The following SLC17A8 variants were observed in gnomAD, a reference collection of about 807,000 sequenced individuals.
SLC17A8 encodes the protein vesicular glutamate transporter 3.
SLC17A8 carries 31 observed loss-of-function variants against 58.0 expected under a neutral mutation model. The ratio of observed to expected loss-of-function variants is 0.53; its 90% CI spans 0.40 to 0.72. The LOEUF (loss-of-function observed/expected upper bound fraction) is 0.72, where lower values mean the gene tolerates loss of function less well. SLC17A8 is among the 30% of genes least tolerant of loss of function. The pLI, the probability that SLC17A8 is intolerant of heterozygous loss-of-function variation, is 0.00. For synonymous variants in SLC17A8, 228 were observed against 249.0 expected (o/e 0.92, Z 0.79); for missense variants, 655 against 727.8 (o/e 0.90, Z 1.15).
rs1566400619 is a variant in SLC17A8 at position 100,402,474 on chromosome 12, C to T, written c.898C>T (p.Leu300=). 1.9e-6 allele frequency: 3 copies of T among 1,613,818 alleles called. No homozygotes were observed. The highest frequency in any genetic ancestry group is 1.7e-5 in the Admixed American group (1 of 60,000). ...SIGEGANVVS[L]SKFSTPWKRF... ...AGGAGAGGGGGCCAACGTGGTTAGT[C>T]TAAGTGTAAGTATAAAAAGTCAGAT... The change falls in exon 7 of 12, where the codon CTA becomes TTA. Residue 300 remains leucine, a synonymous_variant. Coordinates refer to ENST00000323346, the MANE Select transcript of SLC17A8 (RefSeq NM_139319.3).
chr12:100,373,123 A>G lies in SLC17A8; in HGVS notation c.102-7578A>G, dbSNP rs566678117. ...GAGAGCAGGCACCTCCCTAGTGTGCAGAGGGCCAGCAGTCTGCAGACCGCG... is the reference window on the plus strand; with the variant it reads ...GAGAGCAGGCACCTCCCTAGTGTGCGGAGGGCCAGCAGTCTGCAGACCGCG... On this transcript the variant is annotated intron_variant, in intron 1 of 11. Coordinates refer to ENST00000323346, the MANE Select transcript of SLC17A8 (RefSeq NM_139319.3). 3.9e-5 allele frequency among the ~76,000 whole-genome samples: 6 copies of G among 152,308 alleles called. No homozygotes were observed. In the South Asian group the frequency reaches 1.2e-3, roughly 32 times the overall value.
intron 1 of SLC17A8, among the ~76,000 whole-genome samples, chr12:100,380,151 A>G (rs1952623590): frequency 6.8e-6 from 1 of 146,784 alleles, no homozygotes; most frequent in Non-Finnish European, 1.5e-5. Context: ...GGGAGCCGAG[A>G]TCGTGCCATT....
At chr12:100,396,298 A>G in intron 4 of SLC17A8, 32 bp from the exon 5 acceptor site, 2 of 1,557,044 alleles carry the variant, frequency 1.3e-6, no homozygotes, top group Non-Finnish European at 1.8e-6. Context: ...CTACAGTCAA[A>G]TCAACTAATC....
At chr12:100,387,154 T>C (rs1054363281) in intron 2 of SLC17A8, among the ~76,000 whole-genome samples, 7 of 152,220 alleles carry the variant, frequency 4.6e-5, no homozygotes, top group African/African-American at 1.7e-4. Flanking sequence ...ATACATTCGT[T>C]CTGTTTTTAA....
At chr12:100,393,635 T>C (rs1952732498) in intron 4 of SLC17A8, 152 bp downstream of exon 4, 1 of 630,374 alleles carries the variant, frequency 1.6e-6, no homozygotes, top group Non-Finnish European at 2.9e-6. Context: ...ATGGCTAAAA[T>C]TGCAAGAATT....
At position 100,412,813 on chromosome 12, in the gene SLC17A8, G is replaced by C. The variant is rs1489915828; in HGVS notation, c.1230G>C (p.Ser410=). Residue 410 remains serine (S), a synonymous_variant, in exon 10 of 12, where the codon TCG becomes TCC. Transcript: ENST00000323346. ...EATLLLVVGF[S]HTKGVAISFL... ...CCTTACTCCTGGTGGTTGGCTTTTC[G>C]CATACCAAAGGGGTGGCTATCTCCT... is the stretch of plus-strand genomic sequence containing the variant. The C allele has an allele frequency of 1.2e-6, 2 of 1,614,020 alleles. No individual in the cohort carries two copies. The highest frequency in any genetic ancestry group is 1.7e-6 in the Non-Finnish European group (2 of 1,179,984).
At chr12:100,361,643 A>G (rs1470012812) in intron 1 of SLC17A8, among the ~76,000 whole-genome samples, 2 of 152,182 alleles carry the variant, frequency 1.3e-5, no homozygotes, top group Non-Finnish European at 2.9e-5. Context: ...TCTTCCTGAA[A>G]AAACTGGGAG....
At chr12:100,398,991 G>A (rs377262953) in intron 5 of SLC17A8, among the ~76,000 whole-genome samples, 6 of 152,318 alleles carry the variant, frequency 3.9e-5, no homozygotes, top group African/African-American at 1.2e-4. Context: ...GGAACTGTGA[G>A]TCCAATTAAA....
At chr12:100,360,939 A>G (rs1406932880) in intron 1 of SLC17A8, among the ~76,000 whole-genome samples, 1 of 152,194 alleles carries the variant, frequency 6.6e-6, no homozygotes, top group Admixed American at 6.5e-5. Flanking sequence ...TCTCCTTACA[A>G]GTATGTCTAT....
Position 100,421,658 on chromosome 12 carries a change from G to GTTTTT in SLC17A8, c.*1517_*1521dup, listed in dbSNP as rs59689031. The GTTTTT allele has an allele frequency of 6.4e-4, 70 of 109,830 alleles. No individual in the cohort carries two copies. The highest frequency in any genetic ancestry group is 1.2e-3 in the Admixed American group (11 of 9,314). The allele number at this position is 109,830 out of a possible 1,614,324, so 6.8% of individuals were successfully genotyped here. ...TACTTGTAGCTTATTATTGTAAAGTGTTTTTTTTTTTTTTTTTTTTTTCTA... is the reference window on the plus strand; with the variant it reads ...TACTTGTAGCTTATTATTGTAAAGTGTTTTTTTTTTTTTTTTTTTTTTTTTTTCTA... On this transcript the variant is annotated 3_prime_UTR_variant, in exon 12 of 12. Coordinates refer to ENST00000323346, the MANE Select transcript of SLC17A8 (RefSeq NM_139319.3).
intron 10 of SLC17A8, among the ~76,000 whole-genome samples, chr12:100,416,829 G>A (rs371254952): frequency 4.6e-5 from 7 of 152,270 alleles, no homozygotes; most frequent in East Asian, 1.9e-4. Context: ...AATTTTATAA[G>A]AATCGTTATC....
chr12:100,405,623 C>G (rs1171276623), intron 9 of SLC17A8, among the ~76,000 whole-genome samples: 1 of 152,094 alleles, frequency 6.6e-6, no homozygotes, highest in African/African-American at 2.4e-5. Context: ...CATAGCACCT[C>G]TAGAAGGAAT....
chr12:100,406,976 G>A (rs536294382), intron 9 of SLC17A8, among the ~76,000 whole-genome samples: 39 of 152,264 alleles, frequency 2.6e-4, no homozygotes, highest in Admixed American at 5.9e-4. Context: ...GATGGAGAGA[G>A]GGGGGTCAAT....
rs1157050569 is a variant in SLC17A8, at chr12:100,387,035, G to A, written c.355-3966G>A. On this transcript the variant is annotated intron_variant, in intron 2 of 11. Coordinates refer to ENST00000323346, the MANE Select transcript of SLC17A8 (RefSeq NM_139319.3). Reference sequence around the variant, plus strand: ...CAACGGGCATTCAGGTTTTTTCCACGTCTTGGCTATTGTGAATAATGCTTC... The same window carrying A: ...CAACGGGCATTCAGGTTTTTTCCACATCTTGGCTATTGTGAATAATGCTTC... 3.3e-5 allele frequency among the ~76,000 whole-genome samples: 5 copies of A among 152,054 alleles called. No individual in the cohort carries two copies. The South Asian group carries it at 1.0e-3, about 32-fold the overall frequency.
chr12:100,383,263 C>T (rs1004382295), intron 2 of SLC17A8, among the ~76,000 whole-genome samples: 1 of 152,166 alleles, frequency 6.6e-6, no homozygotes, highest in African/African-American at 2.4e-5. Context: ...TTGATTAACC[C>T]GAGGAACAAT....
chr12:100,394,405 T>TCC (rs1952738058), intron 4 of SLC17A8, among the ~76,000 whole-genome samples: 4 of 148,308 alleles, frequency 2.7e-5, no homozygotes, highest in Non-Finnish European at 4.5e-5. Flanking sequence ...TTCCTTTTTT[T>TCC]TTTTTTTTTT....
chr12:100,367,740 C>T (rs943306458), intron 1 of SLC17A8, among the ~76,000 whole-genome samples: 8 of 152,092 alleles, frequency 5.3e-5, no homozygotes, highest in Admixed American at 1.3e-4. Flanking sequence ...TCTGTAGAGA[C>T]GAAGGTCTCG....
intron 11 of SLC17A8, among the ~76,000 whole-genome samples, chr12:100,419,309 T>C (rs908259881): frequency 6.6e-6 from 1 of 152,022 alleles, no homozygotes; most frequent in Non-Finnish European, 1.5e-5. Context: ...CCAAGGCGGG[T>C]GGATCATGAG....
At chr12:100,389,100 G>C (rs546487643) in intron 2 of SLC17A8, among the ~76,000 whole-genome samples, 1 of 152,342 alleles carries the variant, frequency 6.6e-6, no homozygotes, top group South Asian at 2.1e-4. Flanking sequence ...TTTACAATGA[G>C]TCTAAAAAGA....
Sources: allele counts gnomAD v4.1 joint callset (sites outside exome capture counted in the v4.1 genomes callset), GRCh38; gene constraint gnomAD v4.1.1; transcripts MANE v1.5; gene names NCBI Gene and HGNC (gene_info 2026-07-23, HGNC 2026-07-21).